Variants in GRID2 observed in about 807,000 individuals in gnomAD.
The protein encoded by GRID2 is glutamate receptor ionotropic, delta-2.
A neutral mutation model predicts 114.8 loss-of-function variants in GRID2; 33 were observed. The ratio of observed to expected loss-of-function variants is 0.29; its 90% CI spans 0.22 to 0.38. GRID2 has a LOEUF of 0.38. GRID2 is among the 10% of genes least tolerant of loss of function. The pLI is 1.00. For missense variants in GRID2, 1,184 were observed against 1,257.7 expected, an observed-to-expected ratio of 0.94 and a Z score of 0.89; for synonymous variants, 505 against 449.9, an observed-to-expected ratio of 1.12 and a Z score of -1.55.
chr4:92,967,759 T>A (rs571437696), intron 2 of GRID2, among the ~76,000 whole-genome samples: 1 of 152,094 alleles, frequency 6.6e-6, no homozygotes, highest in East Asian at 1.9e-4. Flanking sequence ...TATTGTAGAA[T>A]GTGGAGGGAC....
intron 1 of GRID2, among the ~76,000 whole-genome samples, chr4:92,552,289 G>C (rs140045243): frequency 2.0e-5 from 3 of 147,432 alleles, no homozygotes; most frequent in South Asian, 2.1e-4. Context: ...GTGAAGGAAA[G>C]AATAGAAACT....
intron 8 of GRID2, among the ~76,000 whole-genome samples, chr4:93,365,938 G>T (rs1762293431): frequency 6.6e-6 from 1 of 152,094 alleles, no homozygotes; most frequent in African/African-American, 2.4e-5. Context: ...AAATTGTAAA[G>T]ATTTCATGGA....
At chr4:93,379,909 T>C (rs1356678530) in intron 8 of GRID2, among the ~76,000 whole-genome samples, 1 of 152,092 alleles carries the variant, frequency 6.6e-6, no homozygotes, top group Admixed American at 6.6e-5. Flanking sequence ...TTGGATCCCA[T>C]AAAACTACCC....
At chr4:92,862,887 T>A (rs1744623748) in intron 2 of GRID2, among the ~76,000 whole-genome samples, 1 of 152,066 alleles carries the variant, frequency 6.6e-6, no homozygotes, top group South Asian at 2.1e-4. Flanking sequence ...TGGTAGAAAA[T>A]CATTGACAGC....
chr4:92,854,282 T>G (rs1453258950), intron 2 of GRID2, among the ~76,000 whole-genome samples: 1 of 152,028 alleles, frequency 6.6e-6, no homozygotes, highest in East Asian at 1.9e-4. Flanking sequence ...ACAAGACATT[T>G]AATCCAATAG....
chr4:92,327,045 T>C (rs1465938504), intron 1 of GRID2, among the ~76,000 whole-genome samples: 1 of 152,034 alleles, frequency 6.6e-6, no homozygotes, highest in Non-Finnish European at 1.5e-5. Context: ...GTTTGGCACC[T>C]CTTTGCTGCC....
At chr4:92,362,655 A>T (rs1025624937) in intron 1 of GRID2, among the ~76,000 whole-genome samples, 3 of 152,032 alleles carry the variant, frequency 2.0e-5, no homozygotes, top group African/African-American at 2.4e-5. Context: ...AAACAAACCT[A>T]TTTCAAACTA....
chr4:93,529,732 G>A (rs1283309431), intron 13 of GRID2, among the ~76,000 whole-genome samples: 2 of 152,046 alleles, frequency 1.3e-5, no homozygotes, highest in East Asian at 3.9e-4. Flanking sequence ...CCCTGTCTTT[G>A]CTCCTTACAT....
chr4:92,598,800 G>A (rs544265848), intron 2 of GRID2, among the ~76,000 whole-genome samples: 1 of 152,192 alleles, frequency 6.6e-6, no homozygotes, highest in South Asian at 2.1e-4. Context: ...TGATAGTGCT[G>A]TATGTGATGA....
At chr4:93,120,825 C>T (rs1258488410) in intron 4 of GRID2, among the ~76,000 whole-genome samples, 4 of 152,056 alleles carry the variant, frequency 2.6e-5, no homozygotes, top group Middle Eastern at 3.4e-3. Context: ...TGGTGGCGGG[C>T]ACCTGTAGTC....
At chr4:92,777,703 A>T (rs1738877715) in intron 2 of GRID2, among the ~76,000 whole-genome samples, 1 of 151,442 alleles carries the variant, frequency 6.6e-6, no homozygotes, top group East Asian at 1.9e-4. Flanking sequence ...CCTTATAAGA[A>T]GAGGAAGAGA....
intron 8 of GRID2, among the ~76,000 whole-genome samples, chr4:93,364,670 G>T (rs930661826): frequency 6.6e-6 from 1 of 151,934 alleles, no homozygotes; most frequent in Non-Finnish European, 1.5e-5. Context: ...GTAGAGATAG[G>T]GTTTTGATAT....
chr4:93,215,517 G>A (rs1425882885), intron 5 of GRID2, among the ~76,000 whole-genome samples: 1 of 151,932 alleles, frequency 6.6e-6, no homozygotes, highest in African/African-American at 2.4e-5. Flanking sequence ...CCAGTGAAAT[G>A]ACACAGACTA....
intron 2 of GRID2, among the ~76,000 whole-genome samples, chr4:92,826,180 C>T (rs1741684403): frequency 6.6e-6 from 1 of 152,098 alleles, no homozygotes; most frequent in Non-Finnish European, 1.5e-5. Context: ...TGAACTCATT[C>T]CTACTTATTT....
At chr4:93,537,550 A>T (rs1408960413) in intron 13 of GRID2, among the ~76,000 whole-genome samples, 3 of 151,874 alleles carry the variant, frequency 2.0e-5, no homozygotes, top group Non-Finnish European at 4.4e-5. Context: ...TCAGAATTAA[A>T]TCTAAAGTAG....
At chr4:92,782,082 A>G (rs1211741800) in intron 2 of GRID2, among the ~76,000 whole-genome samples, 1 of 152,064 alleles carries the variant, frequency 6.6e-6, no homozygotes, top group African/African-American at 2.4e-5. Context: ...TTGAAACAGA[A>G]AAGTCAAGTT....
intron 2 of GRID2, among the ~76,000 whole-genome samples, chr4:92,760,422 ACACCCTTTCACTGAGCAGGT>A (rs1737948660): frequency 6.6e-6 from 1 of 151,922 alleles, no homozygotes; most frequent in Non-Finnish European, 1.5e-5. Context: ...GAAGATACCA[ACACCCTTTCACTGAGCAGGT>A]CACAGCCAGT....
chr4:92,519,489 C>A (rs986762188), intron 1 of GRID2, among the ~76,000 whole-genome samples: 2 of 151,490 alleles, frequency 1.3e-5, no homozygotes, highest in East Asian at 2.0e-4. Flanking sequence ...TACACAGGCA[C>A]ATAAAGGCCA....
chr4:92,849,547 T>C (rs1367762971), intron 2 of GRID2, among the ~76,000 whole-genome samples: 2 of 152,098 alleles, frequency 1.3e-5, no homozygotes, highest in East Asian at 3.9e-4. Flanking sequence ...TAAACAGTTG[T>C]GCTTTTCTTT....
Sources: allele counts gnomAD v4.1 joint callset (sites outside exome capture counted in the v4.1 genomes callset), GRCh38; gene constraint gnomAD v4.1.1; transcripts MANE v1.5; gene names NCBI Gene and HGNC (gene_info 2026-07-23, HGNC 2026-07-21).